The following DSE variants were observed in gnomAD, a reference collection of about 807,000 sequenced individuals.
The protein encoded by DSE is dermatan sulfate epimerase, also known as dermatan-sulfate epimerase.
DSE carries 36 observed loss-of-function variants against 84.4 expected under a neutral mutation model. The ratio of observed to expected loss-of-function variants is 0.43; its 90% CI spans 0.33 to 0.56. The LOEUF is 0.56. Among genes scored for constraint, DSE ranks in the 20% least tolerant of loss-of-function variants. The pLI is 0.06. For synonymous variants in DSE, 410 were observed against 430.1 expected (o/e 0.95, Z 0.58); for missense variants, 862 against 1,169.6 (o/e 0.74, Z 3.84).
Position 116,362,030 on chromosome 6 carries a change from A to T in DSE, c.-53-37168A>T, listed in dbSNP as rs531118418. Among the ~76,000 whole-genome samples the T allele has an allele frequency of 2.3e-4, 35 of 152,300 alleles. No individual in the cohort carries two copies. In the South Asian group the frequency reaches 7.3e-3, roughly 32 times the overall value. On this transcript the variant is annotated intron_variant, in intron 2 of 3. Transcript: ENST00000430252. The stretch of plus-strand genomic sequence containing the variant: ...ATATATACCGTTTTAGACTGTAAAG[A>T]CCCTCAGAGATATTCTGCACCAGTG...
chr6:116,338,175 C>CTT (rs1245505634), intron 2 of DSE, among the ~76,000 whole-genome samples: 68 of 122,900 alleles, frequency 5.5e-4, no homozygotes, highest in South Asian at 1.4e-3. Context: ...CTGTCTCTTT[C>CTT]TCTTTCTTTC....
chr6:116,314,987 C>T (rs1374877865), intron 2 of DSE, among the ~76,000 whole-genome samples: 1 of 152,134 alleles, frequency 6.6e-6, no homozygotes, highest in Admixed American at 6.5e-5. Context: ...GGCTCTGAAC[C>T]CATTGTTTTA....
At chr6:116,366,057 C>T (rs1779149276), upstream of DSE, 2 of 152,238 alleles carry the variant, frequency 1.3e-5, no homozygotes. Flanking sequence ...TAAACACCTA[C>T]TTACTGAGTT....
intron 2 of DSE, among the ~76,000 whole-genome samples, chr6:116,294,586 T>C (rs1159297228): frequency 6.6e-6 from 1 of 152,164 alleles, no homozygotes; most frequent in Non-Finnish European, 1.5e-5. Flanking sequence ...TTCTTAAAGC[T>C]TGTGGGCACA....
chr6:116,304,927 A>G (rs1236515937), intron 2 of DSE, among the ~76,000 whole-genome samples: 1 of 152,162 alleles, frequency 6.6e-6, no homozygotes, highest in East Asian at 1.9e-4. Flanking sequence ...GTTTAGGTTT[A>G]TCCTCCTTTA....
intron 1 of DSE, among the ~76,000 whole-genome samples, chr6:116,395,696 G>A (rs776174869): frequency 2.0e-5 from 3 of 152,090 alleles, no homozygotes; most frequent in Non-Finnish European, 4.4e-5. Flanking sequence ...TAAAATTAAC[G>A]TAAAGCCTGT....
chr6:116,301,601 C>T (rs1359039299), intron 2 of DSE, among the ~76,000 whole-genome samples: 2 of 152,114 alleles, frequency 1.3e-5, no homozygotes, highest in Admixed American at 6.5e-5. Flanking sequence ...TTACTTAAAC[C>T]GCCTCAATGG....
At chr6:116,298,579 A>T (rs1582967440) in intron 2 of DSE, among the ~76,000 whole-genome samples, 1 of 152,202 alleles carries the variant, frequency 6.6e-6, no homozygotes, top group African/African-American at 2.4e-5. Context: ...AGCCCTTCTG[A>T]TACCTTCAGT....
chr6:116,295,792 A>T (rs1336539294), intron 2 of DSE, among the ~76,000 whole-genome samples: 1 of 152,228 alleles, frequency 6.6e-6, no homozygotes, highest in African/African-American at 2.4e-5. Context: ...AAATAAGCAT[A>T]ACATTATCAT....
chr6:116,408,557 C>T (rs1252757863), intron 2 of DSE, among the ~76,000 whole-genome samples: 1 of 152,138 alleles, frequency 6.6e-6, no homozygotes, highest in Admixed American at 6.5e-5. Context: ...ATTTGGTGCC[C>T]TGCGTACTGT....
chr6:116,284,853 C>T (rs535583078), intron 2 of DSE, among the ~76,000 whole-genome samples: 7 of 152,250 alleles, frequency 4.6e-5, no homozygotes, highest in Admixed American at 3.3e-4. Flanking sequence ...ATGACCTCAT[C>T]CTTTTTTATG....
chr6:116,299,504 T>TTATATATATATA (rs71553739), intron 2 of DSE, among the ~76,000 whole-genome samples: 4 of 11,504 alleles, frequency 3.5e-4, no homozygotes, highest in African/African-American at 7.8e-4. Context: ...TGAATTATTT[T>TTATATATATATA]TATATATATA....
chr6:116,433,846 A>T (rs1378444326), intron 5 of DSE, among the ~76,000 whole-genome samples: 1 of 152,202 alleles, frequency 6.6e-6, no homozygotes, highest in Non-Finnish European at 1.5e-5. Flanking sequence ...CTTTATGTTT[A>T]ACATCTAATT....
At chr6:116,414,387 A>G (rs1782565928) in intron 2 of DSE, among the ~76,000 whole-genome samples, 1 of 150,984 alleles carries the variant, frequency 6.6e-6, no homozygotes, top group Non-Finnish European at 1.5e-5. Context: ...ATATGCCATA[A>G]TTTTAATGAG....
rs1303934610 is a variant in DSE, at chr6:116,426,699, T to C, written c.542T>C (p.Ile181Thr). 1.2e-6 allele frequency: 2 copies of C among 1,614,072 alleles called. No individual in the cohort carries two copies. The highest frequency in any genetic ancestry group is 8.5e-7 in the Non-Finnish European group (1 of 1,180,042). ...CAACAGGAGAAGTTTCTTGAAGTGA[T>C]TGCCAATGCCTCAGGGTATATGTAT... ...KTQQEKFLEV[I>T]ANASGYMYET... Residue 181 changes from isoleucine to threonine, a missense_variant, in exon 3 of 6, where the codon ATT becomes ACT. Transcript: ENST00000644252.
intron 1 of DSE, among the ~76,000 whole-genome samples, chr6:116,371,894 T>C (rs1779608708): frequency 6.6e-6 from 1 of 152,208 alleles, no homozygotes; most frequent in African/African-American, 2.4e-5. Flanking sequence ...AGCAGCAGCC[T>C]CCTCTTAAGC....
intron 2 of DSE, among the ~76,000 whole-genome samples, chr6:116,266,563 A>C (rs1293147104): frequency 6.6e-6 from 1 of 152,186 alleles, no homozygotes; most frequent in African/African-American, 2.4e-5. Context: ...TAAATGGGAA[A>C]ATAATTAGAA....
intron 1 of DSE, among the ~76,000 whole-genome samples, chr6:116,395,006 A>G (rs999618984): frequency 2.0e-5 from 3 of 152,258 alleles, no homozygotes; most frequent in South Asian, 4.1e-4. Context: ...TTGAAACACA[A>G]TGAAGTAGGG....
intron 2 of DSE, among the ~76,000 whole-genome samples, chr6:116,325,370 T>A (rs1223014455): frequency 6.6e-6 from 1 of 152,206 alleles, no homozygotes; most frequent in Non-Finnish European, 1.5e-5. Context: ...TGATACATAA[T>A]CTCCAAAGTT....
Sources: allele counts gnomAD v4.1 joint callset (sites outside exome capture counted in the v4.1 genomes callset), GRCh38; gene constraint gnomAD v4.1.1; transcripts MANE v1.5; gene names NCBI Gene and HGNC (gene_info 2026-07-23, HGNC 2026-07-21).